TMEFF2: variants seen among roughly 807,000 people sequenced by gnomAD.
TMEFF2 encodes tomoregulin-2.
A neutral mutation model predicts 53.8 loss-of-function variants in TMEFF2; 28 were observed. The observed-to-expected ratio is 0.52, with a 90% CI of 0.39 to 0.71. TMEFF2 has a LOEUF of 0.71. TMEFF2 is among the 30% of genes least tolerant of loss of function. The pLI is 0.00. For synonymous variants in TMEFF2, 162 were observed against 166.3 expected, an observed-to-expected ratio of 0.97 and a Z score of 0.20; for missense variants, 353 against 455.2, an observed-to-expected ratio of 0.78 and a Z score of 2.04.
chr2:192,141,824 A>C lies in TMEFF2; in HGVS notation c.439+37844T>G, dbSNP rs79817631. On this transcript the variant is annotated intron_variant, in intron 4 of 9. Transcript: ENST00000272771. ...GAAAGAAGGTGACCAAAATCGAAAC[A>C]ACTAAGGATATTTGTATTTATTACA... 3.9e-5 allele frequency among the ~76,000 whole-genome samples: 6 copies of C among 152,298 alleles called. No individual in the cohort carries two copies. The East Asian group carries it at 9.7e-4, about 25-fold the overall frequency.
chr2:192,112,644 A>T (rs1689310246), intron 4 of TMEFF2, among the ~76,000 whole-genome samples: 1 of 152,124 alleles, frequency 6.6e-6, no homozygotes, highest in Non-Finnish European at 1.5e-5. Context: ...GAAACGTGAG[A>T]ACATGAGATT....
At chr2:192,071,024 G>A (rs978060616) in intron 4 of TMEFF2, among the ~76,000 whole-genome samples, 3 of 150,024 alleles carry the variant, frequency 2.0e-5, no homozygotes, top group African/African-American at 4.9e-5. Context: ...ACCCTGAAGA[G>A]CACTCTTTCC....
chr2:192,058,544 T>C (rs1687968036), intron 4 of TMEFF2, among the ~76,000 whole-genome samples: 1 of 152,158 alleles, frequency 6.6e-6, no homozygotes, highest in Non-Finnish European at 1.5e-5. Flanking sequence ...ATTATAAAGT[T>C]AGTCTTTCAA....
At chr2:191,956,084 G>GCT in intron 8 of TMEFF2, among the ~76,000 whole-genome samples, 171 bp downstream of exon 8, 1 of 151,394 alleles carries the variant, frequency 6.6e-6, no homozygotes, top group South Asian at 2.1e-4. Context: ...TTTTTTTTTA[G>GCT]TGTGTGAGTA....
In TMEFF2 at chr2:192,076,065, G is replaced by A. The variant is rs1283608077; in HGVS notation, c.440-18290C>T. ...CATAATCTGTTTCATTTTGCTGTGT[G>A]TTAGCAGCCACACATTACTTGGCAC... On this transcript the variant is annotated intron_variant, in intron 4 of 9. Transcript: ENST00000272771. 3.3e-5 allele frequency among the ~76,000 whole-genome samples: 5 copies of A among 152,026 alleles called. No homozygotes were observed. The East Asian group carries it at 9.7e-4, about 29-fold the overall frequency.
chr2:192,028,603 T>A (rs1435874670), intron 5 of TMEFF2: 1 of 152,076 alleles, frequency 6.6e-6, no homozygotes, highest in South Asian at 2.1e-4. Flanking sequence ...CAGACTGTAT[T>A]TTCTTTTCCT....
At chr2:192,037,294 AAAG>A in intron 5 of TMEFF2, among the ~76,000 whole-genome samples, 1 of 127,924 alleles carries the variant, frequency 7.8e-6, no homozygotes. Context: ...AGAAAGAAAG[AAAG>A]AAAGAAAGAA....
intron 4 of TMEFF2, among the ~76,000 whole-genome samples, chr2:192,062,556 G>A (rs1183771634): frequency 1.3e-5 from 2 of 152,078 alleles, no homozygotes; most frequent in Non-Finnish European, 2.9e-5. Context: ...TGAATCTTAA[G>A]GCAAAAATTA....
chr2:191,999,009 T>C (rs767449784), intron 6 of TMEFF2, 51 bp downstream of exon 6: 15 of 1,544,360 alleles, frequency 9.7e-6, no homozygotes. Context: ...TTTTCATTTT[T>C]GCACAAAGAC....
At chr2:191,976,058 T>G (rs1685717899) in intron 7 of TMEFF2, among the ~76,000 whole-genome samples, 1 of 152,230 alleles carries the variant, frequency 6.6e-6, no homozygotes, top group South Asian at 2.1e-4. Context: ...AATTGATATG[T>G]TATCTAAGTC....
intron 4 of TMEFF2, among the ~76,000 whole-genome samples, chr2:192,116,346 T>A (rs1248514800): frequency 6.6e-6 from 1 of 151,868 alleles, no homozygotes. Flanking sequence ...AATGGGGAGA[T>A]GTTGGTCAAA....
chr2:192,023,742 G>T (rs1486789608), intron 5 of TMEFF2, among the ~76,000 whole-genome samples: 2 of 152,104 alleles, frequency 1.3e-5, no homozygotes, highest in African/African-American at 4.8e-5. Flanking sequence ...CATTAGGTCT[G>T]CTAGTCAGAC....
chr2:192,183,478 A>G (rs1691237886), intron 3 of TMEFF2, among the ~76,000 whole-genome samples: 1 of 152,068 alleles, frequency 6.6e-6, no homozygotes, highest in Non-Finnish European at 1.5e-5. Context: ...AAAGTTTATA[A>G]TTGATGACGT....
At chr2:192,169,206 A>G (rs1160564953) in intron 4 of TMEFF2, among the ~76,000 whole-genome samples, 1 of 152,158 alleles carries the variant, frequency 6.6e-6, no homozygotes, top group African/African-American at 2.4e-5. Context: ...TTGATGAGAG[A>G]CATGTAGTCC....
chr2:192,194,182 C>T lies in TMEFF2; in HGVS notation c.172+171G>A, dbSNP rs1309892295. ...CCATCCCAGAACCACCCCTCACCCC[C>T]GGGCCTGCAACAGTTCCCCTTGTTT... On this transcript the variant is annotated intron_variant, in intron 1 of 9. Transcript: ENST00000272771. This position sits in a 1 kb window ranked among gnomAD's most constrained non-coding sequence, Gnocchi z 4.2. Among the ~76,000 whole-genome samples the T allele has an allele frequency of 1.3e-5, 2 of 152,148 alleles. No homozygotes were observed. The highest frequency in any genetic ancestry group is 2.9e-5 in the Non-Finnish European group (2 of 68,016).
At chr2:192,043,394 T>C (rs1237350756) in intron 5 of TMEFF2, among the ~76,000 whole-genome samples, 1 of 152,178 alleles carries the variant, frequency 6.6e-6, no homozygotes, top group African/African-American at 2.4e-5. Context: ...CAAAAATGTA[T>C]ACTGTTAATC....
chr2:192,032,270 T>C (rs1687157332), intron 5 of TMEFF2: 1 of 152,188 alleles, frequency 6.6e-6, no homozygotes, highest in Non-Finnish European at 1.5e-5. Flanking sequence ...ACTTATTTCA[T>C]TTAAAACAGA....
At chr2:192,182,801 T>C (rs548127811) in intron 3 of TMEFF2, among the ~76,000 whole-genome samples, 1 of 152,118 alleles carries the variant, frequency 6.6e-6, no homozygotes, top group African/African-American at 2.4e-5. Flanking sequence ...TCCTGGTTCC[T>C]GGGATTTTAC....
chr2:192,172,241 C>G (rs1276963944), intron 4 of TMEFF2, among the ~76,000 whole-genome samples: 1 of 151,844 alleles, frequency 6.6e-6, no homozygotes, highest in Non-Finnish European at 1.5e-5. Context: ...CAAATTCACC[C>G]TCTTCCCAAT....
Sources: gnomAD v4.1 joint callset for allele counts (sites outside exome capture counted in the v4.1 genomes callset) on GRCh38, gnomAD v4.1.1 for gene constraint, Gnocchi (gnomAD v3.1) non-coding constraint, MANE v1.5 for transcripts, NCBI Gene and HGNC (gene_info 2026-07-23, HGNC 2026-07-21) for gene names.